NLGN1: variants seen among roughly 807,000 people sequenced by gnomAD.
The protein encoded by NLGN1 is neuroligin 1, also known as neuroligin-1.
NLGN1 carries 12 observed loss-of-function variants against 65.5 expected under a neutral mutation model. The observed-to-expected ratio is 0.18, with a 90% CI of 0.12 to 0.30. The LOEUF (loss-of-function observed/expected upper bound fraction) is 0.30, where lower values mean the gene tolerates loss of function less well. NLGN1 is among the 10% of genes least tolerant of loss of function. NLGN1 has a pLI of 1.00. For missense variants in NLGN1, 750 were observed against 1,007.1 expected, an observed-to-expected ratio of 0.74 and a Z score of 3.46; for synonymous variants, 350 against 359.5, an observed-to-expected ratio of 0.97 and a Z score of 0.30.
chr3:173,493,638 A>C (rs546817), intron 2 of NLGN1, among the ~76,000 whole-genome samples: 24,986 of 151,792 alleles, frequency 0.16, 2,335 homozygotes, highest in South Asian at 0.22. Flanking sequence ...GTACTGTCAT[A>C]ACTTATATAT....
At chr3:173,830,743 T>C (rs1042581809) in intron 4 of NLGN1, among the ~76,000 whole-genome samples, 4 of 152,198 alleles carry the variant, frequency 2.6e-5, no homozygotes, top group African/African-American at 9.6e-5. Flanking sequence ...ATTACGTACA[T>C]TGCACCCATA....
intron 4 of NLGN1, among the ~76,000 whole-genome samples, chr3:174,248,475 A>G (rs912194448): frequency 6.6e-6 from 1 of 152,166 alleles, no homozygotes; most frequent in Non-Finnish European, 1.5e-5. Context: ...TATGGACTGT[A>G]TAGGCTGGGC....
intron 4 of NLGN1, among the ~76,000 whole-genome samples, chr3:174,269,771 T>TTTGA (rs1443322650): frequency 6.6e-6 from 1 of 151,940 alleles, no homozygotes; most frequent in Non-Finnish European, 1.5e-5. Flanking sequence ...CCAAACTATT[T>TTTGA]TTGATAAGGG....
intron 4 of NLGN1, among the ~76,000 whole-genome samples, chr3:174,168,420 TTCTTTC>T (rs897790597): frequency 1.3e-5 from 2 of 152,188 alleles, no homozygotes; most frequent in African/African-American, 2.4e-5. Context: ...ATTATTATTT[TTCTTTC>T]TCTTTCTATT....
At chr3:173,927,372 T>A (rs1743201315) in intron 4 of NLGN1, among the ~76,000 whole-genome samples, 1 of 152,154 alleles carries the variant, frequency 6.6e-6, no homozygotes, top group Non-Finnish European at 1.5e-5. Flanking sequence ...AATTGCCTCA[T>A]TTTTTAGTAT....
At chr3:173,920,279 C>A (rs1200582331) in intron 4 of NLGN1, among the ~76,000 whole-genome samples, 2 of 152,106 alleles carry the variant, frequency 1.3e-5, no homozygotes, top group Admixed American at 1.3e-4. Flanking sequence ...TTGAATGATT[C>A]ATTGACTCCT....
intron 4 of NLGN1, among the ~76,000 whole-genome samples, chr3:174,088,655 A>G (rs1743899448): frequency 6.6e-6 from 1 of 151,774 alleles, no homozygotes; most frequent in Non-Finnish European, 1.5e-5. Flanking sequence ...CGGGAGGCTG[A>G]GGCAGGAGAA....
At chr3:173,650,594 T>A (rs1759012498) in intron 3 of NLGN1, among the ~76,000 whole-genome samples, 1 of 152,202 alleles carries the variant, frequency 6.6e-6, no homozygotes, top group African/African-American at 2.4e-5. Flanking sequence ...ATGAGTGGTG[T>A]CTATATGGTT....
Position 174,160,877 on chromosome 3 carries a change from C to G in NLGN1, c.647-114438C>G, listed in dbSNP as rs146048723. On this transcript the variant is annotated intron_variant, in intron 4 of 6. Transcript: ENST00000457714. ...TATCAAATACTAGGTCTTATTCATT[C>G]TTTCTAACTATTTTTTTGTACCCAT... Among the ~76,000 whole-genome samples the G allele has an allele frequency of 5.2e-3, 786 of 151,458 alleles. 4 individuals carry two copies. Among genetic ancestry groups the G allele is most frequent in the Middle Eastern group, 0.01 (3 of 292 alleles).
At chr3:173,557,050 C>T (rs1025994978) in intron 2 of NLGN1, among the ~76,000 whole-genome samples, 1 of 151,844 alleles carries the variant, frequency 6.6e-6, no homozygotes, top group African/African-American at 2.4e-5. Context: ...TTTGTCTACT[C>T]ATTCTATCAG....
chr3:174,113,133 A>G (rs1174961556), intron 4 of NLGN1, among the ~76,000 whole-genome samples: 1 of 151,974 alleles, frequency 6.6e-6, no homozygotes, highest in Admixed American at 6.6e-5. Flanking sequence ...CTAGATTTTA[A>G]TGCTTATTTT....
At chr3:173,850,326 C>T (rs1325676588) in intron 4 of NLGN1, among the ~76,000 whole-genome samples, 1 of 152,110 alleles carries the variant, frequency 6.6e-6, no homozygotes, top group Non-Finnish European at 1.5e-5. Flanking sequence ...TGTATTGATG[C>T]TGACATTCAA....
intron 4 of NLGN1, among the ~76,000 whole-genome samples, chr3:174,019,090 G>T (rs1273708598): frequency 2.0e-5 from 3 of 151,960 alleles, no homozygotes; most frequent in Non-Finnish European, 2.9e-5. Flanking sequence ...CCAAATACAA[G>T]CAGCAGTAAA....
At chr3:174,189,944 A>G (rs955085310) in intron 4 of NLGN1, among the ~76,000 whole-genome samples, 49 of 152,164 alleles carry the variant, frequency 3.2e-4, no homozygotes, top group African/African-American at 9.9e-4. Flanking sequence ...TAATATTACA[A>G]TTGTTTTACA....
At chr3:174,273,361 C>A (rs574859965) in intron 4 of NLGN1, among the ~76,000 whole-genome samples, 1 of 151,756 alleles carries the variant, frequency 6.6e-6, no homozygotes, top group East Asian at 1.9e-4. Flanking sequence ...TACAGTAATG[C>A]TTCCATAATA....
chr3:173,797,693 C>CAAA (rs1312419518), intron 3 of NLGN1, among the ~76,000 whole-genome samples: 6 of 56,544 alleles, frequency 1.1e-4, no homozygotes, highest in South Asian at 6.6e-4. Flanking sequence ...ACAACAACAA[C>CAAA]AACAACAAAA....
At chr3:173,685,204 G>A (rs990162735) in intron 3 of NLGN1, among the ~76,000 whole-genome samples, 6 of 151,978 alleles carry the variant, frequency 3.9e-5, no homozygotes, top group Non-Finnish European at 7.4e-5. Flanking sequence ...TAAATAAGTT[G>A]CTCCCAATAT....
rs116609376 is a variant in NLGN1, at chr3:173,741,472, C to T, written c.494-66208C>T. Among the ~76,000 whole-genome samples the T allele has an allele frequency of 1.1e-3, 166 of 152,050 alleles. 2 individuals are homozygous for T. Among genetic ancestry groups the T allele is most frequent in the African/African-American group, 3.6e-3 (149 of 41,504 alleles). On this transcript the variant is annotated intron_variant, in intron 3 of 6. Coordinates refer to ENST00000457714, the Ensembl canonical transcript of NLGN1. ...CATCTTCCTACTAACTTGAGGTCTT[C>T]TATATCAGCTTTCTGGGTTTGTTTT...
intron 2 of NLGN1, among the ~76,000 whole-genome samples, chr3:173,501,026 A>G (rs867952823): frequency 1.3e-5 from 2 of 152,194 alleles, no homozygotes; most frequent in Admixed American, 6.6e-5. Context: ...CCGTGTTAGT[A>G]TCTTCGAAAT....
Sources: allele counts gnomAD v4.1 joint callset (sites outside exome capture counted in the v4.1 genomes callset), GRCh38; gene constraint gnomAD v4.1.1; transcripts MANE v1.5; gene names NCBI Gene and HGNC (gene_info 2026-07-23, HGNC 2026-07-21).